The following RIT2 variants were observed in gnomAD, a reference collection of about 807,000 sequenced individuals.
RIT2 encodes GTP-binding protein Rit2.
A neutral mutation model predicts 23.7 loss-of-function variants in RIT2; 24 were observed. The observed-to-expected ratio is 1.01, with a 90% CI of 0.73 to 1.43. The LOEUF is 1.43. RIT2 is among the 40% of genes most tolerant of loss of function. RIT2 has a pLI of 0.00. For missense variants in RIT2, 236 were observed against 266.9 expected, an observed-to-expected ratio of 0.88 and a Z score of 0.81; for synonymous variants, 107 against 91.1, an observed-to-expected ratio of 1.17 and a Z score of -0.99.
chr18:43,030,843 T>C (rs1322087635), intron 2 of RIT2, among the ~76,000 whole-genome samples: 1 of 152,090 alleles, frequency 6.6e-6, no homozygotes, highest in Non-Finnish European at 1.5e-5. Context: ...CTGGAAAAAG[T>C]AAACATCTAC....
chr18:42,914,722 G>T (rs995307351), intron 4 of RIT2, among the ~76,000 whole-genome samples: 1 of 151,884 alleles, frequency 6.6e-6, no homozygotes, highest in Admixed American at 6.6e-5. Context: ...GGCTACACAC[G>T]TGACATAATT....
At chr18:42,824,900 T>C (rs969483109) in intron 4 of RIT2, among the ~76,000 whole-genome samples, 2 of 151,942 alleles carry the variant, frequency 1.3e-5, no homozygotes, top group Non-Finnish European at 2.9e-5. Context: ...CTATGCCTGA[T>C]AAAAGGTCAT....
At chr18:42,790,110 T>C (rs1456287351) in intron 4 of RIT2, among the ~76,000 whole-genome samples, 1 of 152,248 alleles carries the variant, frequency 6.6e-6, no homozygotes, top group Non-Finnish European at 1.5e-5. Context: ...ATTTTGTTTA[T>C]GTGATGTAGC....
At chr18:42,850,876 C>A (rs1183687566) in intron 4 of RIT2, among the ~76,000 whole-genome samples, 1 of 152,128 alleles carries the variant, frequency 6.6e-6, no homozygotes, top group Non-Finnish European at 1.5e-5. Context: ...TGTCACAACA[C>A]ATTAGGCATT....
intron 4 of RIT2, among the ~76,000 whole-genome samples, chr18:42,871,213 C>T (rs2144063629): frequency 6.6e-6 from 1 of 152,330 alleles, no homozygotes; most frequent in Non-Finnish European, 1.5e-5. Context: ...TCATCAGCAA[C>T]ACACATTTTA....
At chr18:43,050,232 T>C (rs1456251881) in intron 1 of RIT2, among the ~76,000 whole-genome samples, 1 of 151,862 alleles carries the variant, frequency 6.6e-6, no homozygotes, top group African/African-American at 2.4e-5. Flanking sequence ...TATCTTACTA[T>C]GTTGTCCTGG....
chr18:43,090,358 A>G (rs1377307807), intron 1 of RIT2, among the ~76,000 whole-genome samples: 10 of 152,126 alleles, frequency 6.6e-5, no homozygotes. Flanking sequence ...TATTACTAGA[A>G]AGTCAAAAAA....
At chr18:43,043,971 C>T (rs78370682) in intron 1 of RIT2, among the ~76,000 whole-genome samples, 14,384 of 152,040 alleles carry the variant, frequency 0.095, 745 homozygotes, top group East Asian at 0.18. Context: ...GGATCTTTCC[C>T]AAGGAAGACA....
chr18:43,046,447 A>G (rs535060362), intron 1 of RIT2, among the ~76,000 whole-genome samples: 3 of 152,192 alleles, frequency 2.0e-5, no homozygotes, highest in South Asian at 2.1e-4. Flanking sequence ...TCTTGCCTCC[A>G]CAGTAAACAT....
chr18:42,953,241 T>C (rs1335691949), intron 3 of RIT2, among the ~76,000 whole-genome samples: 1 of 152,190 alleles, frequency 6.6e-6, no homozygotes, highest in African/African-American at 2.4e-5. Context: ...CATTCTGCCA[T>C]GTTTATTTCT....
At chr18:42,977,577 A>G (rs1055443096) in intron 2 of RIT2, among the ~76,000 whole-genome samples, 1 of 151,912 alleles carries the variant, frequency 6.6e-6, no homozygotes, top group Admixed American at 6.6e-5. Flanking sequence ...CACAAATCAG[A>G]TTATTGCTAG....
chr18:42,822,553 C>T (rs1322213685), intron 4 of RIT2, among the ~76,000 whole-genome samples: 3 of 151,992 alleles, frequency 2.0e-5, no homozygotes, highest in African/African-American at 7.3e-5. Flanking sequence ...AAATCACTGC[C>T]CCAATCTGGC....
intron 2 of RIT2, among the ~76,000 whole-genome samples, chr18:43,027,445 C>T (rs1911759433): frequency 6.6e-6 from 1 of 151,938 alleles, no homozygotes; most frequent in Non-Finnish European, 1.5e-5. Context: ...ATGGAATCTA[C>T]TGAATGGAAA....
chr18:42,892,930 C>A (rs181093675), intron 4 of RIT2, among the ~76,000 whole-genome samples: 2 of 152,130 alleles, frequency 1.3e-5, no homozygotes, highest in African/African-American at 2.4e-5. Context: ...TCTGTTATTA[C>A]CTCAACCTCT....
rs1913796833 is a variant in RIT2 at position 43,105,490 on chromosome 18, G to GAGGAAGAGAGGAAGGGAGGAAGGA, written c.103+9926_103+9927insTCCTTCCTCCCTTCCTCTCTTCCT. Among the ~76,000 whole-genome samples, 29 of 118,240 alleles carry GAGGAAGAGAGGAAGGGAGGAAGGA rather than the reference G, an allele frequency of 2.5e-4. 1 individual carries two copies. The highest frequency in any genetic ancestry group is 6.5e-4 in the South Asian group (2 of 3,068). 77.6% of individuals were successfully genotyped at this position (118,240 alleles called of 152,430 possible). On this transcript the variant is annotated intron_variant, in intron 1 of 4. Coordinates refer to ENST00000326695, the MANE Select transcript of RIT2 (RefSeq NM_002930.4). ...GGAGGAAGAGAGGAAGGGAGGAAGG[G>GAGGAAGAGAGGAAGGGAGGAAGGA]AGGAAGAAAGGGAGGGAGGGAGGGA...
At chr18:43,060,845 G>A (rs1281021898) in intron 1 of RIT2, among the ~76,000 whole-genome samples, 1 of 152,046 alleles carries the variant, frequency 6.6e-6, no homozygotes, top group Non-Finnish European at 1.5e-5. Context: ...GTAAAATCAG[G>A]TATTTTAGAT....
intron 1 of RIT2, among the ~76,000 whole-genome samples, chr18:43,043,822 A>G (rs989609930): frequency 1.1e-4 from 16 of 152,084 alleles, no homozygotes; most frequent in African/African-American, 3.9e-4. Context: ...AAATAAATAA[A>G]TCAAATAAAT....
intron 1 of RIT2, among the ~76,000 whole-genome samples, chr18:43,077,334 A>G (rs1035427972): frequency 2.0e-5 from 3 of 152,188 alleles, no homozygotes; most frequent in African/African-American, 7.2e-5. Flanking sequence ...TCTATTAGGT[A>G]GCTAATAGAA....
At chr18:42,939,626 A>G (rs1039328778) in intron 3 of RIT2, among the ~76,000 whole-genome samples, 2 of 152,072 alleles carry the variant, frequency 1.3e-5, no homozygotes, top group Non-Finnish European at 2.9e-5. Context: ...TTCAAGTTTT[A>G]AAATTTTGTT....
Sources: gnomAD v4.1 joint callset for allele counts (sites outside exome capture counted in the v4.1 genomes callset) on GRCh38, gnomAD v4.1.1 for gene constraint, MANE v1.5 for transcripts, NCBI Gene and HGNC (gene_info 2026-07-23, HGNC 2026-07-21) for gene names.